SSH2: variants seen among roughly 807,000 people sequenced by gnomAD.
SSH2 encodes the protein protein phosphatase Slingshot homolog 2.
In SSH2, 37 loss-of-function variants were observed where a neutral mutation model predicts 135.2. The observed-to-expected ratio is 0.27, with a 90% CI of 0.21 to 0.36. The LOEUF (loss-of-function observed/expected upper bound fraction) is 0.36. SSH2 is among the 10% of genes least tolerant of loss of function. The pLI, the probability that SSH2 is intolerant of heterozygous loss-of-function variation, is 1.00. For synonymous variants in SSH2, 628 were observed against 646.2 expected (o/e 0.97, Z 0.43); for missense variants, 1,408 against 1,765.3 (o/e 0.80, Z 3.63).
intron 2 of SSH2, among the ~76,000 whole-genome samples, chr17:29,811,570 A>AT (rs2042442161): frequency 1.1e-5 from 1 of 91,922 alleles, no homozygotes; most frequent in African/African-American, 9.7e-5. Flanking sequence ...GTGAACCACA[A>AT]GTTTTTTTTT....
At chr17:29,852,430 T>C (rs1372358163) in intron 1 of SSH2, among the ~76,000 whole-genome samples, 2 of 151,978 alleles carry the variant, frequency 1.3e-5, no homozygotes, top group Non-Finnish European at 2.9e-5. Context: ...TACAACATAA[T>C]TGGTTCATGG....
chr17:29,664,459 T>TA (rs1217775640), intron 11 of SSH2, among the ~76,000 whole-genome samples: 1 of 152,110 alleles, frequency 6.6e-6, no homozygotes, highest in Admixed American at 6.6e-5. Flanking sequence ...ATAAATATGA[T>TA]AATCTGTTGT....
intron 9 of SSH2, 104 bp from the exon 10 acceptor site, chr17:29,667,327 A>G: frequency 1.1e-6 from 1 of 899,516 alleles, no homozygotes; most frequent in Non-Finnish European, 1.7e-6. Context: ...CAATAAGGCA[A>G]ATCCTTTTCC....
rs115544542 is a variant in SSH2, at chr17:29,729,882, C to A, written c.189-26820G>T. On this transcript the variant is annotated intron_variant, in intron 3 of 15. Transcript: ENST00000540801. ...GGAGTAGAATGATGGTTACCAGAGA[C>A]TGGCAAGGCTAGTAGTTGTGGAGAG... 6.5e-3 allele frequency among the ~76,000 whole-genome samples: 992 copies of A among 152,106 alleles called. 6 individuals are homozygous for A. The highest frequency in any genetic ancestry group is 0.023 in the African/African-American group (950 of 41,502).
At chr17:29,926,798 T>C (rs986644878) in intron 1 of SSH2, among the ~76,000 whole-genome samples, 3 of 152,178 alleles carry the variant, frequency 2.0e-5, no homozygotes, top group African/African-American at 7.2e-5. Context: ...AGTTTTGGTG[T>C]ACACAATTTC....
chr17:29,635,540 G>A (rs548153772), intron 15 of SSH2, among the ~76,000 whole-genome samples: 1,088 of 101,564 alleles, frequency 0.011, 18 homozygotes, highest in African/African-American at 0.069. Flanking sequence ...GAGTAGCTGG[G>A]ACTACAGGCG....
intron 8 of SSH2, among the ~76,000 whole-genome samples, chr17:29,672,764 T>G (rs1598766645): frequency 6.6e-6 from 1 of 152,182 alleles, no homozygotes. Flanking sequence ...AGTGCAGTGG[T>G]GTGATCTCTG....
chr17:29,830,104 G>A (rs970928310), intron 2 of SSH2, among the ~76,000 whole-genome samples: 1 of 152,114 alleles, frequency 6.6e-6, no homozygotes, highest in Non-Finnish European at 1.5e-5. Flanking sequence ...CTCCCAAAGT[G>A]CTGGGATTAG....
intron 9 of SSH2, among the ~76,000 whole-genome samples, chr17:29,671,156 A>G (rs933948437): frequency 1.3e-5 from 2 of 152,096 alleles, no homozygotes; most frequent in Non-Finnish European, 2.9e-5. Flanking sequence ...TGACATCTGA[A>G]TGATAAAATA....
intron 3 of SSH2, among the ~76,000 whole-genome samples, chr17:29,757,742 A>AG (rs1167861800): frequency 3.6e-4 from 44 of 121,038 alleles, no homozygotes; most frequent in African/African-American, 1.3e-3. Flanking sequence ...AAAAAAAAAA[A>AG]AGAGAGAGAG....
intron 1 of SSH2, among the ~76,000 whole-genome samples, chr17:29,894,011 C>T (rs901666095): frequency 1.3e-5 from 2 of 152,100 alleles, no homozygotes; most frequent in African/African-American, 4.8e-5. Flanking sequence ...TCATCTCACA[C>T]CTTAGTCACC....
chr17:29,743,913 T>TC (rs2040660052), intron 3 of SSH2, among the ~76,000 whole-genome samples: 1 of 129,876 alleles, frequency 7.7e-6, no homozygotes, highest in African/African-American at 3.6e-5. Flanking sequence ...TTTCCTTTTT[T>TC]TTTTTTTTTT....
intron 12 of SSH2, among the ~76,000 whole-genome samples, chr17:29,652,012 T>C (rs962125176): frequency 1.3e-5 from 2 of 152,080 alleles, no homozygotes; most frequent in South Asian, 2.1e-4. Flanking sequence ...CGTGGTGGCA[T>C]GTGCCTGTAA....
rs757303419 is a variant in SSH2 at position 29,631,734 on chromosome 17, C to T, written c.3460G>A (p.Ala1154Thr). ...TGGGGATGCAGGTAATCCAAACTGG[C>T]AGACAGTAAATGGGTTGTATGACTG... The part of the protein sequence containing the change: ...FVSHTTHLLS[A>T]SLDYLHPQTM... Residue 1154 changes from alanine (A) to threonine (T), a missense_variant, in exon 16 of 16, where the codon GCC (alanine) becomes ACC (threonine). Around this residue, in one of 3 missense-constraint regions of SSH2, gnomAD observed 1,080 missense variants for 1,144.5 expected, o/e 0.94. Transcript: ENST00000540801. 2 of 1,614,186 alleles carry T rather than the reference C, an allele frequency of 1.2e-6. No homozygotes were observed. Among genetic ancestry groups the T allele is most frequent in the South Asian group, 2.2e-5 (2 of 91,084 alleles).
chr17:29,793,225 A>G (rs535832519), intron 3 of SSH2, among the ~76,000 whole-genome samples: 1 of 152,080 alleles, frequency 6.6e-6, no homozygotes, highest in South Asian at 2.1e-4. Context: ...GTTTTCTTTT[A>G]ATGTTACTGG....
At chr17:29,844,749 T>A (rs2043102894) in intron 2 of SSH2, among the ~76,000 whole-genome samples, 1 of 152,208 alleles carries the variant, frequency 6.6e-6, no homozygotes, top group Non-Finnish European at 1.5e-5. Context: ...GCTGCTTCTA[T>A]CTATTATCTG....
At chr17:29,743,795 T>TTAA (rs2040651889) in intron 3 of SSH2, among the ~76,000 whole-genome samples, 1 of 152,222 alleles carries the variant, frequency 6.6e-6, no homozygotes, top group African/African-American at 2.4e-5. Flanking sequence ...TTAAATTCAT[T>TTAA]TGGTTAGAAT....
At chr17:29,764,154 T>C (rs2041391117) in intron 3 of SSH2, among the ~76,000 whole-genome samples, 1 of 152,170 alleles carries the variant, frequency 6.6e-6, no homozygotes, top group East Asian at 1.9e-4. Context: ...TTTCACCATG[T>C]TGGCCAGGCT....
chr17:29,926,504 A>G (rs2067068348), intron 1 of SSH2, among the ~76,000 whole-genome samples: 1 of 151,064 alleles, frequency 6.6e-6, no homozygotes, highest in Non-Finnish European at 1.5e-5. Context: ...CAGTGAGCCG[A>G]GATTGTGCTG....
Sources: allele counts gnomAD v4.1 joint callset (sites outside exome capture counted in the v4.1 genomes callset), GRCh38; gene constraint gnomAD v4.1.1; regional missense constraint gnomAD v4.1.1; transcripts MANE v1.5; gene names NCBI Gene and HGNC (gene_info 2026-07-23, HGNC 2026-07-21).